The following ARB2A variants were observed in gnomAD, a reference collection of about 807,000 sequenced individuals.
ARB2A encodes cotranscriptional regulator ARB2A.
the ARB2A span, among the ~76,000 whole-genome samples, chr5:93,760,865 C>T: frequency 6.6e-6 from 1 of 152,158 alleles, no homozygotes; most frequent in Non-Finnish European, 1.5e-5. Context: ...GACCAAGAAC[C>T]CAAAAGCGAA....
the ARB2A span, chr5:93,805,943 T>G: frequency 1.0e-6 from 1 of 985,132 alleles, no homozygotes; most frequent in Non-Finnish European, 1.2e-6. Context: ...TAGACTCTTC[T>G]GATTTCTGAG....
chr5:93,663,727 G>C, the ARB2A span, among the ~76,000 whole-genome samples: 1 of 152,108 alleles, frequency 6.6e-6, no homozygotes, highest in African/African-American at 2.4e-5. Context: ...TTCAGGTCTT[G>C]GTGATAATTA....
the ARB2A span, among the ~76,000 whole-genome samples, chr5:93,997,744 C>A: frequency 6.6e-6 from 1 of 151,900 alleles, no homozygotes; most frequent in South Asian, 2.1e-4. Context: ...TAGAAATAAG[C>A]CAAACACAAC....
the ARB2A span, among the ~76,000 whole-genome samples, chr5:94,008,524 G>A: frequency 6.6e-6 from 1 of 152,154 alleles, no homozygotes; most frequent in African/African-American, 2.4e-5. Flanking sequence ...CTTTCGATGA[G>A]TGTCAAATCA....
chr5:93,917,660 T>A, the ARB2A span, among the ~76,000 whole-genome samples: 1 of 152,064 alleles, frequency 6.6e-6, no homozygotes, highest in Admixed American at 6.6e-5. Context: ...GGAGGATTGC[T>A]TGAGTCCAGG....
At chr5:94,100,246 T>C in the ARB2A span, among the ~76,000 whole-genome samples, 1 of 152,228 alleles carries the variant, frequency 6.6e-6, no homozygotes, top group South Asian at 2.1e-4. Flanking sequence ...GAAAGAGCTC[T>C]ACAATGAGAG....
At chr5:93,945,351 G>A in the ARB2A span, among the ~76,000 whole-genome samples, 1 of 150,862 alleles carries the variant, frequency 6.6e-6, no homozygotes, top group Non-Finnish European at 1.5e-5. Flanking sequence ...GGAGGTGGAG[G>A]TTGCAGTGAG....
At chr5:93,746,667 CAG>C in the ARB2A span, among the ~76,000 whole-genome samples, 1 of 152,102 alleles carries the variant, frequency 6.6e-6, no homozygotes, top group East Asian at 1.9e-4. Context: ...ACAGAGTACA[CAG>C]AGAAAAGGCC....
chr5:93,959,314 A>G, the ARB2A span, among the ~76,000 whole-genome samples: 5 of 152,164 alleles, frequency 3.3e-5, no homozygotes, highest in East Asian at 9.6e-4. Context: ...TACCTGTTGT[A>G]AAAACATTAT....
At chr5:93,796,052 G>A in the ARB2A span, among the ~76,000 whole-genome samples, 4 of 152,182 alleles carry the variant, frequency 2.6e-5, no homozygotes, top group African/African-American at 7.2e-5. Flanking sequence ...AGCATCTGGC[G>A]TAATACGCTG....
the ARB2A span, among the ~76,000 whole-genome samples, chr5:93,933,441 G>A: frequency 1.3e-5 from 2 of 152,112 alleles, no homozygotes; most frequent in African/African-American, 4.8e-5. Flanking sequence ...AGAAAATGTA[G>A]CACATATACA....
the ARB2A span, among the ~76,000 whole-genome samples, chr5:94,054,300 A>G: frequency 6.6e-6 from 1 of 151,828 alleles, no homozygotes; most frequent in Non-Finnish European, 1.5e-5. Context: ...CATTCAGGAC[A>G]CCACATTACA....
the ARB2A span, among the ~76,000 whole-genome samples, chr5:94,018,830 C>T: frequency 7.2e-4 from 110 of 151,914 alleles, no homozygotes; most frequent in Middle Eastern, 3.4e-3. Flanking sequence ...TCATATGGAA[C>T]GAAAAAACAA....
chr5:93,924,338 A>G, the ARB2A span, among the ~76,000 whole-genome samples: 1 of 152,220 alleles, frequency 6.6e-6, no homozygotes, highest in Admixed American at 6.5e-5. Context: ...TTAATGCCCA[A>G]GTTTTAACTA....
At chr5:93,848,166 C>T in the ARB2A span, among the ~76,000 whole-genome samples, 33 of 152,224 alleles carry the variant, frequency 2.2e-4, no homozygotes, top group African/African-American at 7.0e-4. Context: ...AGGTGGATCA[C>T]AAGGTCAAGA....
chr5:93,729,547 T>C, the ARB2A span, among the ~76,000 whole-genome samples: 8 of 152,240 alleles, frequency 5.3e-5, no homozygotes, highest in Non-Finnish European at 1.2e-4. Context: ...CCTGGAGTAT[T>C]ACATATGGTC....
chr5:93,898,171 A>C, the ARB2A span, among the ~76,000 whole-genome samples: 1 of 152,008 alleles, frequency 6.6e-6, no homozygotes, highest in African/African-American at 2.4e-5. Flanking sequence ...ATTTCTTATA[A>C]TCTGAGTATA....
the ARB2A span, among the ~76,000 whole-genome samples, chr5:93,845,640 C>T: frequency 6.6e-6 from 1 of 152,106 alleles, no homozygotes; most frequent in African/African-American, 2.4e-5. Context: ...TATACACAGG[C>T]CCACAAACAT....
the ARB2A span, among the ~76,000 whole-genome samples, chr5:93,775,323 A>C: frequency 7.2e-5 from 11 of 152,374 alleles, no homozygotes; most frequent in South Asian, 2.1e-4. Context: ...AACATAAAGT[A>C]GTTTGTGTTC....
Sources: allele counts gnomAD v4.1 joint callset (sites outside exome capture counted in the v4.1 genomes callset), GRCh38; gene constraint gnomAD v4.1.1; transcripts MANE v1.5; gene names NCBI Gene and HGNC (gene_info 2026-07-23, HGNC 2026-07-21).